SLC39A11: variants seen among roughly 807,000 people sequenced by gnomAD.
SLC39A11 encodes zinc transporter ZIP11.
SLC39A11 carries 33 observed loss-of-function variants against 36.1 expected under a neutral mutation model. The ratio of observed to expected loss-of-function variants is 0.91; its 90% CI spans 0.69 to 1.22. The LOEUF (loss-of-function observed/expected upper bound fraction) is 1.22. Among genes scored for constraint, SLC39A11 ranks in the 50% most tolerant of loss-of-function variants. SLC39A11 has a pLI of 0.00. For missense variants in SLC39A11, 432 were observed against 430.3 expected, an observed-to-expected ratio of 1.00 and a Z score of -0.03; for synonymous variants, 166 against 170.3, an observed-to-expected ratio of 0.97 and a Z score of 0.20.
intron 7 of SLC39A11, among the ~76,000 whole-genome samples, chr17:72,729,601 C>T (rs575556527): frequency 8.1e-5 from 12 of 148,910 alleles, no homozygotes; most frequent in African/African-American, 2.7e-4. Context: ...ACCAGCCAAT[C>T]CAATCCTTTA....
intron 3 of SLC39A11, among the ~76,000 whole-genome samples, chr17:73,059,604 G>A (rs561541335): frequency 1.8e-4 from 27 of 150,494 alleles, no homozygotes; most frequent in Non-Finnish European, 3.2e-4. Flanking sequence ...ACAGTAAGCC[G>A]AGATCGCGCC....
intron 4 of SLC39A11, among the ~76,000 whole-genome samples, chr17:73,009,090 G>A (rs1237887860): frequency 2.7e-5 from 4 of 147,644 alleles, no homozygotes; most frequent in Non-Finnish European, 4.5e-5. Context: ...GCAGGGGGGC[G>A]GGGTGGCTCA....
intron 6 of SLC39A11, among the ~76,000 whole-genome samples, chr17:72,794,936 C>G (rs537307925): frequency 6.6e-6 from 1 of 152,206 alleles, no homozygotes; most frequent in Admixed American, 6.5e-5. Context: ...AGCATCCACA[C>G]TGGATATGAG....
At chr17:72,959,321 G>GTATATA (rs2086448469) in intron 4 of SLC39A11, among the ~76,000 whole-genome samples, 1 of 46,154 alleles carries the variant, frequency 2.2e-5, no homozygotes, top group Non-Finnish European at 4.0e-5. Context: ...ATGTGTGTGT[G>GTATATA]TGTGTATATA....
intron 4 of SLC39A11, among the ~76,000 whole-genome samples, chr17:72,971,948 G>A (rs1170673239): frequency 2.0e-5 from 3 of 152,186 alleles, no homozygotes; most frequent in Non-Finnish European, 4.4e-5. Flanking sequence ...TCTCTAGAAG[G>A]AGAATACAGT....
chr17:72,729,457 A>ATATTTTTTTTTTTTTT (rs1555650680), intron 7 of SLC39A11, among the ~76,000 whole-genome samples: 2 of 7,240 alleles, frequency 2.8e-4, no homozygotes, highest in South Asian at 7.6e-3. Flanking sequence ...ATATATATAT[A>ATATTTTTTTTTTTTTT]TTTTTTTTTT....
chr17:72,714,489 G>A (rs1428403265), intron 7 of SLC39A11, among the ~76,000 whole-genome samples: 3 of 152,260 alleles, frequency 2.0e-5, no homozygotes, highest in East Asian at 1.9e-4. Flanking sequence ...AAGGAAGCAG[G>A]TAAGAAGCGC....
chr17:72,765,829 T>G (rs192468888), intron 6 of SLC39A11, among the ~76,000 whole-genome samples: 284 of 152,256 alleles, frequency 1.9e-3, no homozygotes, highest in African/African-American at 5.5e-3. Context: ...GAAAGGACCG[T>G]CTGACTTATA....
rs56050103 is a variant in SLC39A11 at position 72,802,590 on chromosome 17, C to CA, written c.601+47043dup. On this transcript the variant is annotated intron_variant, in intron 6 of 9. Transcript: ENST00000255559. ...GGACCACAAGAGTGAAACTCCATCT[C>CA]AAAAAAAAAAAAAAAGAAAAGAAAA... Among the ~76,000 whole-genome samples, 212 of 112,714 alleles carry CA rather than the reference C, an allele frequency of 1.9e-3. 1 individual carries two copies. Among genetic ancestry groups the CA allele is most frequent in the African/African-American group, 5.6e-3 (142 of 25,186 alleles). The allele number at this position is 112,714 out of a possible 152,430, so 73.9% of individuals were successfully genotyped here.
chr17:72,964,780 C>A (rs1467783715), intron 4 of SLC39A11, among the ~76,000 whole-genome samples: 1 of 152,200 alleles, frequency 6.6e-6, no homozygotes, highest in Non-Finnish European at 1.5e-5. Flanking sequence ...ATAAATCATG[C>A]TGCTATAAAG....
intron 6 of SLC39A11, among the ~76,000 whole-genome samples, chr17:72,789,045 T>G (rs2076608732): frequency 6.6e-6 from 1 of 152,128 alleles, no homozygotes; most frequent in Non-Finnish European, 1.5e-5. Context: ...AAAGGCTTTT[T>G]TTTTTTTTGA....
intron 6 of SLC39A11, among the ~76,000 whole-genome samples, chr17:72,768,768 TA>T (rs200622932): frequency 0.017 from 2,621 of 152,084 alleles, 74 homozygotes; most frequent in African/African-American, 0.059. Context: ...TTATTATTAT[TA>T]TTATTTTTTG....
In SLC39A11 at chr17:72,647,466, A is replaced by T. The variant is rs145235675; in HGVS notation, c.*118T>A. ...AATCAGAGTCAATCAGGATAATGAG[A>T]TGAAGAAGAGAGGAAGGAAAAAAGT... On this transcript the variant is annotated 3_prime_UTR_variant, in exon 10 of 10. Coordinates refer to ENST00000255559, the MANE Select transcript of SLC39A11 (RefSeq NM_139177.4). 20 of 727,744 alleles carry T rather than the reference A, an allele frequency of 2.7e-5. No individual in the cohort carries two copies. 45.1% of individuals were successfully genotyped at this position (727,744 alleles called of 1,614,324 possible). A position where few individuals can be genotyped will look rare whatever the true frequency, so the allele number is the denominator to read the frequency against.
intron 3 of SLC39A11, among the ~76,000 whole-genome samples, chr17:73,078,693 C>T (rs1242361425): frequency 1.3e-5 from 2 of 151,932 alleles, no homozygotes; most frequent in Admixed American, 6.6e-5. Context: ...GACGGGGTTT[C>T]GCCATGTTGG....
At chr17:72,992,411 C>T (rs116284867) in intron 4 of SLC39A11, among the ~76,000 whole-genome samples, 266 of 152,248 alleles carry the variant, frequency 1.7e-3, no homozygotes, top group African/African-American at 6.2e-3. Flanking sequence ...CCTTTATTAC[C>T]AGTGAAACTG....
intron 4 of SLC39A11, among the ~76,000 whole-genome samples, chr17:72,984,298 C>A (rs1244743121): frequency 6.6e-6 from 1 of 151,620 alleles, no homozygotes; most frequent in Non-Finnish European, 1.5e-5. Flanking sequence ...ACAGAAGTAG[C>A]CATGAGACCT....
At chr17:72,902,406 T>C (rs2146958819) in intron 5 of SLC39A11, among the ~76,000 whole-genome samples, 1 of 151,078 alleles carries the variant, frequency 6.6e-6, no homozygotes, top group Middle Eastern at 3.4e-3. Flanking sequence ...TACCAGACAC[T>C]AGGAAGAGGC....
At chr17:72,728,612 A>C (rs2074030749) in intron 7 of SLC39A11, among the ~76,000 whole-genome samples, 1 of 152,204 alleles carries the variant, frequency 6.6e-6, no homozygotes, top group African/African-American at 2.4e-5. Context: ...ATATGTAAAC[A>C]AATGGGTGCG....
chr17:72,734,242 G>C (rs1332132330), intron 7 of SLC39A11, among the ~76,000 whole-genome samples: 1 of 152,194 alleles, frequency 6.6e-6, no homozygotes, highest in Non-Finnish European at 1.5e-5. Flanking sequence ...GACATTTAGA[G>C]AGGAGGGAAT....
Sources: allele counts gnomAD v4.1 joint callset (sites outside exome capture counted in the v4.1 genomes callset), GRCh38; gene constraint gnomAD v4.1.1; transcripts MANE v1.5; gene names NCBI Gene and HGNC (gene_info 2026-07-23, HGNC 2026-07-21).